The following FOXP1 variants were observed in gnomAD, a reference collection of about 807,000 sequenced individuals.
FOXP1 encodes the protein forkhead box protein P1.
In FOXP1, 15 loss-of-function variants were observed where a neutral mutation model predicts 98.2. The ratio of observed to expected loss-of-function variants is 0.15; its 90% confidence interval spans 0.10 to 0.24. The LOEUF is 0.24. Ranked by LOEUF, FOXP1 falls within the 10% of genes least tolerant of loss-of-function variation. FOXP1 has a pLI of 1.00. For synonymous variants in FOXP1, 371 were observed against 314.5 expected, an observed-to-expected ratio of 1.18 and a Z score of -1.90; for missense variants, 633 against 848.5, an observed-to-expected ratio of 0.75 and a Z score of 3.15.
intron 3 of FOXP1, among the ~76,000 whole-genome samples, chr3:71,387,755 C>A (rs141349643): frequency 6.6e-6 from 1 of 152,164 alleles, no homozygotes; most frequent in Admixed American, 6.5e-5. Flanking sequence ...TATTAAGGAC[C>A]CATGTGTTCA....
Position 71,304,620 on chromosome 3 carries a change from T to C in FOXP1, c.-72-4740A>G, listed in dbSNP as rs868115878. ...CAGAAGGTGCTCTGACGGAGTTACTTTGCCTCAAAAAAAAGTATTTTTCCC... is the reference window on the plus strand; with the variant it reads ...CAGAAGGTGCTCTGACGGAGTTACTCTGCCTCAAAAAAAAGTATTTTTCCC... On this transcript the variant is annotated intron_variant, in intron 4 of 20. Transcript: ENST00000649528. 6 of 152,228 alleles carry C rather than the reference T, an allele frequency of 3.9e-5. 1 individual carries two copies. In the Middle Eastern group the frequency reaches 0.02, roughly 518 times the overall value. The allele number at this position is 152,228 out of a possible 1,614,324, so 9.4% of individuals were successfully genotyped here. A position where few individuals can be genotyped will look rare whatever the true frequency, so the allele number is the denominator to read the frequency against.
intron 14 of FOXP1, among the ~76,000 whole-genome samples, chr3:70,987,206 G>A (rs1028514837): frequency 2.0e-5 from 3 of 150,272 alleles, no homozygotes; most frequent in African/African-American, 7.3e-5. Flanking sequence ...AAGCTACTAG[G>A]AGAATTTTAG....
At chr3:70,981,661 G>C (rs1023798859) in intron 14 of FOXP1, among the ~76,000 whole-genome samples, 23 of 152,336 alleles carry the variant, frequency 1.5e-4, no homozygotes, top group Admixed American at 1.3e-3. Context: ...ACAGTTCCTA[G>C]AGGAAGAGGG....
chr3:71,459,309 G>A (rs918699981), intron 3 of FOXP1, among the ~76,000 whole-genome samples: 1 of 152,158 alleles, frequency 6.6e-6, no homozygotes, highest in Middle Eastern at 3.2e-3. Flanking sequence ...CATTTTTAAG[G>A]AAAGATAACA....
chr3:71,448,546 T>G (rs2086659232), intron 3 of FOXP1, among the ~76,000 whole-genome samples: 1 of 152,190 alleles, frequency 6.6e-6, no homozygotes, highest in African/African-American at 2.4e-5. Context: ...ACCTGTGAAC[T>G]TGGGTAAATG....
intron 4 of FOXP1, among the ~76,000 whole-genome samples, chr3:71,345,871 T>TTAAAAAAAAAAA (rs2077313594): frequency 1.8e-5 from 1 of 55,096 alleles, no homozygotes; most frequent in Admixed American, 3.4e-4. Flanking sequence ...AAAGTTTTTG[T>TTAAAAAAAAAAA]AAAAAAAAAA....
intron 5 of FOXP1, among the ~76,000 whole-genome samples, chr3:71,255,280 C>T (rs1253528689): frequency 1.3e-5 from 2 of 152,010 alleles, no homozygotes; most frequent in African/African-American, 2.4e-5. Flanking sequence ...TATAATAGCC[C>T]GTTAGCCTTA....
intron 3 of FOXP1, among the ~76,000 whole-genome samples, chr3:71,400,668 A>T (rs1156644363): frequency 2.0e-5 from 3 of 152,130 alleles, no homozygotes; most frequent in Non-Finnish European, 4.4e-5. Context: ...ATTTATGTGT[A>T]ATTAATGCTT....
intron 19 of FOXP1, among the ~76,000 whole-genome samples, chr3:70,967,214 G>T (rs2034993109): frequency 6.6e-6 from 1 of 152,158 alleles, no homozygotes; most frequent in African/African-American, 2.4e-5. Flanking sequence ...AGAAATCCTG[G>T]CTCTAGAAAG....
intron 6 of FOXP1, among the ~76,000 whole-genome samples, chr3:71,185,983 C>T (rs1373353438): frequency 6.6e-6 from 1 of 152,226 alleles, no homozygotes; most frequent in Non-Finnish European, 1.5e-5. Context: ...TAGTCATATA[C>T]ATCTCTTCTA....
chr3:71,099,991 T>C (rs1294554137), intron 7 of FOXP1, among the ~76,000 whole-genome samples: 1 of 152,226 alleles, frequency 6.6e-6, no homozygotes, highest in African/African-American at 2.4e-5. Flanking sequence ...TAAGTTTAGA[T>C]AATACTTCAA....
At chr3:71,559,460 C>T (rs182004560) in intron 2 of FOXP1, among the ~76,000 whole-genome samples, 33 of 152,330 alleles carry the variant, frequency 2.2e-4, no homozygotes, top group Admixed American at 2.2e-3. Context: ...GATCTCCCCT[C>T]ACCCGCTAAT....
chr3:71,104,910 T>G (rs2057297319), intron 7 of FOXP1, among the ~76,000 whole-genome samples: 1 of 152,246 alleles, frequency 6.6e-6, no homozygotes, highest in African/African-American at 2.4e-5. Flanking sequence ...CTCCCTATAC[T>G]TAAAATATTC....
At chr3:71,067,989 T>TTAAAA (rs1553721699) in intron 7 of FOXP1, among the ~76,000 whole-genome samples, 1 of 134,746 alleles carries the variant, frequency 7.4e-6, no homozygotes, top group African/African-American at 2.7e-5. Context: ...TGGATAATTA[T>TTAAAA]AAAAAAAAAA....
chr3:71,410,965 A>C (rs542451202), intron 3 of FOXP1, among the ~76,000 whole-genome samples: 1 of 152,350 alleles, frequency 6.6e-6, no homozygotes, highest in South Asian at 2.1e-4. Context: ...GTAGCAGACG[A>C]GACAAACAGG....
At chr3:71,198,119 C>G in intron 6 of FOXP1, 83 bp downstream of exon 6, 1 of 1,613,072 alleles carries the variant, frequency 6.2e-7, no homozygotes, top group Non-Finnish European at 8.5e-7. Context: ...AAACACTGAT[C>G]GCGAGATCGC....
In FOXP1 at chr3:71,356,584, C is replaced by T. The variant is rs114580444; in HGVS notation, c.-73+2566G>A. On this transcript the variant is annotated intron_variant, in intron 4 of 20. Coordinates refer to ENST00000649528, the MANE Select transcript of FOXP1 (RefSeq NM_001349338.3). The stretch of plus-strand genomic sequence containing the variant: ...GGATCCGTGCTAAGCTCTTTACAAG[C>T]ATCACCTCTCTAACTCTTCAGAGTG... Among the ~76,000 whole-genome samples the T allele has an allele frequency of 9.1e-3, 1,393 of 152,266 alleles. 21 individuals carry two copies. Among genetic ancestry groups the T allele is most frequent in the African/African-American group, 0.032 (1,329 of 41,544 alleles).
intron 2 of FOXP1, chr3:71,581,056 G>A: frequency 1.0e-6 from 1 of 968,362 alleles, no homozygotes; most frequent in East Asian, 1.1e-4. Context: ...TCACAGATGA[G>A]GGCTTGTGGG....
At chr3:71,028,065 G>C (rs890419000) in intron 11 of FOXP1, among the ~76,000 whole-genome samples, 1 of 152,184 alleles carries the variant, frequency 6.6e-6, no homozygotes, top group Non-Finnish European at 1.5e-5. Flanking sequence ...AGTGAGAGCA[G>C]AGAACCGAAG....
Sources: allele counts gnomAD v4.1 joint callset (sites outside exome capture counted in the v4.1 genomes callset), GRCh38; gene constraint gnomAD v4.1.1; transcripts MANE v1.5; gene names NCBI Gene and HGNC (gene_info 2026-07-23, HGNC 2026-07-21).